Variants in KALRN observed in about 807,000 individuals in gnomAD.
KALRN encodes the protein kalirin.
A neutral mutation model predicts 353.7 loss-of-function variants in KALRN; 70 were observed. The observed-to-expected ratio is 0.20, with a 90% CI of 0.16 to 0.24. KALRN has a LOEUF of 0.24. Among genes scored for constraint, KALRN ranks in the 10% least tolerant of loss-of-function variants. KALRN has a pLI of 1.00. For synonymous variants in KALRN, 1,391 were observed against 1,434.8 expected (o/e 0.97, Z 0.69); for missense variants, 2,791 against 3,756.7 (o/e 0.74, Z 6.72).
intron 1 of KALRN, among the ~76,000 whole-genome samples, chr3:124,207,494 G>A (rs761268540): frequency 2.0e-5 from 3 of 152,172 alleles, no homozygotes; most frequent in East Asian, 1.9e-4. Context: ...ACCAAACATG[G>A]CTATGTCCTA....
chr3:124,203,582 G>C (rs541111265), intron 1 of KALRN, among the ~76,000 whole-genome samples: 1 of 152,114 alleles, frequency 6.6e-6, no homozygotes, highest in Non-Finnish European at 1.5e-5. Context: ...GGCTTTATAC[G>C]TATTGCTTGG....
intron 10 of KALRN, among the ~76,000 whole-genome samples, chr3:124,370,424 T>C (rs1393907559): frequency 6.6e-6 from 1 of 152,168 alleles, no homozygotes; most frequent in East Asian, 1.9e-4. Context: ...TGCTAAAGCT[T>C]TGGGTAATTT....
Position 124,434,768 on chromosome 3 carries a change from A to C in KALRN, c.3048+243A>C, listed in dbSNP as rs558711165. Among the ~76,000 whole-genome samples the C allele has an allele frequency of 1.6e-4, 25 of 152,354 alleles. No homozygotes were observed. The South Asian group carries it at 5.0e-3, about 30-fold the overall frequency. ...CACCAGATCTATAGGGAGGTGTTGA[A>C]ATAGAAATTGGGTGTATACTAAATG... On this transcript the variant is annotated intron_variant, in intron 17 of 59. Coordinates refer to ENST00000682506, the MANE Select transcript of KALRN (RefSeq NM_001388419.1).
At position 124,604,449 on chromosome 3, in the gene KALRN, T is replaced by C. The variant is rs1463611278; in HGVS notation, c.5183-27971T>C. On this transcript the variant is annotated intron_variant, in intron 34 of 59. Coordinates refer to ENST00000682506, the MANE Select transcript of KALRN (RefSeq NM_001388419.1). ...AGGTTGTTTCTTTATAACCTTGTGA[T>C]CATAGAATTGAAAGTTAAGGTGCTT... is the stretch of plus-strand genomic sequence containing the variant. 3.9e-5 allele frequency among the ~76,000 whole-genome samples: 6 copies of C among 152,282 alleles called. No individual in the cohort carries two copies. In the South Asian group the frequency reaches 1.2e-3, roughly 32 times the overall value.
chr3:124,448,660 A>G (rs62264222), intron 21 of KALRN, among the ~76,000 whole-genome samples: 18,626 of 151,874 alleles, frequency 0.12, 1,910 homozygotes, highest in East Asian at 0.51. Flanking sequence ...GATCCTTCCC[A>G]CATACCAGGA....
At position 124,398,743 on chromosome 3, in the gene KALRN, A is replaced by C; in HGVS notation, c.2218A>C (p.Ser740Arg). The change falls in exon 13 of 60, where the codon AGC becomes CGC. Residue 740 changes from serine (S) to arginine (R), a missense_variant. By Grantham distance (110) the Ser-to-Arg change is moderately radical. Coordinates refer to ENST00000682506, the MANE Select transcript of KALRN (RefSeq NM_001388419.1). ...NNKTPHSSSI[S>R]HIESVLQQLD... ...CAAAACACCCCACAGCAGCTCCATC[A>C]GCCACATCGAGTCGGTCCTGCAGCA... is the stretch of plus-strand genomic sequence containing the variant. The C allele has an allele frequency of 6.2e-7, 1 of 1,614,146 alleles. No individual in the cohort carries two copies. Among genetic ancestry groups the C allele is most frequent in the Non-Finnish European group, 8.5e-7 (1 of 1,180,020 alleles).
intron 1 of KALRN, among the ~76,000 whole-genome samples, chr3:124,083,287 T>C (rs550789473): frequency 1.3e-5 from 2 of 152,268 alleles, no homozygotes; most frequent in African/African-American, 4.8e-5. Flanking sequence ...CAGATGATAA[T>C]ATGGGGACAT....
chr3:124,133,502 A>G (rs1253992572), intron 1 of KALRN, among the ~76,000 whole-genome samples: 2 of 152,218 alleles, frequency 1.3e-5, no homozygotes, highest in South Asian at 2.1e-4. Flanking sequence ...GACAGCCCTC[A>G]TTTCTGTCTT....
At chr3:124,483,705 C>T (rs893597690) in intron 28 of KALRN, among the ~76,000 whole-genome samples, 2 of 152,156 alleles carry the variant, frequency 1.3e-5, no homozygotes, top group African/African-American at 4.8e-5. Flanking sequence ...TCAAAGGGTA[C>T]ATATTAAAAC....
intron 1 of KALRN, among the ~76,000 whole-genome samples, chr3:124,137,673 C>G (rs1486365378): frequency 1.3e-5 from 2 of 152,090 alleles, no homozygotes; most frequent in Non-Finnish European, 2.9e-5. Flanking sequence ...TCCTTACACG[C>G]AAATTTTATG....
At chr3:124,135,916 T>A (rs1471820364) in intron 1 of KALRN, among the ~76,000 whole-genome samples, 1 of 152,164 alleles carries the variant, frequency 6.6e-6, no homozygotes, top group African/African-American at 2.4e-5. Flanking sequence ...TTCTCAATAG[T>A]CCTTCAAGGG....
intron 34 of KALRN, among the ~76,000 whole-genome samples, chr3:124,604,142 GTTTTTTTTTTTTAAAT>G (rs1404961596): frequency 2.2e-5 from 3 of 136,664 alleles, no homozygotes; most frequent in Non-Finnish European, 4.8e-5. Flanking sequence ...CTGCTTTCAC[GTTTTTTTTTTTTAAAT>G]TTATTATTAT....
chr3:124,189,142 G>T (rs932674159), intron 1 of KALRN, among the ~76,000 whole-genome samples: 1 of 152,120 alleles, frequency 6.6e-6, no homozygotes, highest in Non-Finnish European at 1.5e-5. Flanking sequence ...TCAGGGTCTC[G>T]CTTATAAGAT....
intron 1 of KALRN, among the ~76,000 whole-genome samples, chr3:124,178,952 A>T (rs934334224): frequency 2.0e-5 from 3 of 151,822 alleles, no homozygotes; most frequent in Admixed American, 6.5e-5. Flanking sequence ...ACATTTTTTT[A>T]AAAAATTAGC....
intron 1 of KALRN, among the ~76,000 whole-genome samples, chr3:124,063,414 G>A (rs1279875502): frequency 6.6e-6 from 1 of 152,192 alleles, no homozygotes; most frequent in Non-Finnish European, 1.5e-5. Flanking sequence ...TGGTCTCCTC[G>A]GTGGAGGGGT....
chr3:124,079,817 G>A (rs995374160), intron 1 of KALRN, among the ~76,000 whole-genome samples: 1 of 152,138 alleles, frequency 6.6e-6, no homozygotes, highest in Non-Finnish European at 1.5e-5. Flanking sequence ...AAATAGAAAA[G>A]TCACTTGTAT....
At chr3:124,593,935 C>CTCCTA (rs140133540) in intron 34 of KALRN, among the ~76,000 whole-genome samples, 1,541 of 152,246 alleles carry the variant, frequency 0.01, 30 homozygotes, top group African/African-American at 0.035. Context: ...TCAAGTAATC[C>CTCCTA]TCCTACCTCA....
intron 37 of KALRN, among the ~76,000 whole-genome samples, chr3:124,647,024 T>A (rs1371946925): frequency 6.6e-6 from 1 of 152,120 alleles, no homozygotes; most frequent in East Asian, 1.9e-4. Context: ...CCTTCCATCA[T>A]TGGTCTTAGA....
intron 23 of KALRN, among the ~76,000 whole-genome samples, chr3:124,457,179 C>G (rs1256327763): frequency 1.3e-5 from 2 of 152,154 alleles, no homozygotes; most frequent in Non-Finnish European, 2.9e-5. Flanking sequence ...AAGCAATTCT[C>G]CTGCCTCAGC....
Sources: gnomAD v4.1 joint callset for allele counts (sites outside exome capture counted in the v4.1 genomes callset) on GRCh38, gnomAD v4.1.1 for gene constraint, MANE v1.5 for transcripts, NCBI Gene and HGNC (gene_info 2026-07-23, HGNC 2026-07-21) for gene names.